MTMR7: variants seen among roughly 807,000 people sequenced by gnomAD.
The protein encoded by MTMR7 is myotubularin related protein 7.
MTMR7 carries 76 observed loss-of-function variants against 81.2 expected under a neutral mutation model. The observed-to-expected ratio is 0.94, with a 90% CI of 0.78 to 1.13. The LOEUF (loss-of-function observed/expected upper bound fraction) is 1.13, where lower values mean the gene tolerates loss of function less well. Among genes scored for constraint, MTMR7 ranks in the 50% most tolerant of loss-of-function variants. The probability of loss-of-function intolerance (pLI) is 0.00; values close to 1 mark genes in which losing one functional copy is unlikely to be tolerated. For synonymous variants in MTMR7, 372 were observed against 289.8 expected (o/e 1.28, Z -2.88); for missense variants, 1,044 against 820.0 (o/e 1.27, Z -3.34).
intron 7 of MTMR7, among the ~76,000 whole-genome samples, chr8:17,323,212 G>T (rs1211131195): frequency 6.6e-6 from 1 of 151,872 alleles, no homozygotes; most frequent in African/African-American, 2.4e-5. Flanking sequence ...CTCCCACAGT[G>T]CTGAGATTAC....
Position 17,298,223 on chromosome 8 carries a change from CAAGGTATTCCCTATTACATATAGT to C in MTMR7, c.*1615_*1638del, listed in dbSNP as rs1816862950. On this transcript the variant is annotated 3_prime_UTR_variant, in exon 14 of 14. Coordinates refer to ENST00000180173, the MANE Select transcript of MTMR7 (RefSeq NM_004686.5). ...CACTATATCCTAAGTTTTATTTTAGCAAGGTATTCCCTATTACATATAGTATATTGCAGAAAATGAATAAACATT... is the reference window on the plus strand; with the variant it reads ...CACTATATCCTAAGTTTTATTTTAGCATATTGCAGAAAATGAATAAACATT... 1 of 151,934 alleles carries C rather than the reference CAAGGTATTCCCTATTACATATAGT, an allele frequency of 6.6e-6. No individual in the cohort carries two copies. The highest frequency in any genetic ancestry group is 2.4e-5 in the African/African-American group (1 of 41,420). 9.4% of individuals were successfully genotyped at this position (151,934 alleles called of 1,614,324 possible). A position where few individuals can be genotyped will look rare whatever the true frequency, so the allele number is the denominator to read the frequency against.
chr8:17,361,510 GAACAC>G (rs386722975), intron 3 of MTMR7, among the ~76,000 whole-genome samples: 62 of 152,250 alleles, frequency 4.1e-4, no homozygotes, highest in African/African-American at 1.4e-3. Flanking sequence ...TTTCCTTTTA[GAACAC>G]AGGGACATCT....
intron 12 of MTMR7, chr8:17,302,499 T>C (rs980380335): frequency 4.2e-6 from 2 of 474,390 alleles, no homozygotes. Context: ...ATGAAAAGTC[T>C]GCCTGTATAT....
At chr8:17,330,160 C>T (rs1020641340) in intron 7 of MTMR7, among the ~76,000 whole-genome samples, 21 of 152,196 alleles carry the variant, frequency 1.4e-4, no homozygotes, top group African/African-American at 4.8e-4. Context: ...TTTCTCCAAC[C>T]CCAACGTTAG....
At chr8:17,358,610 TATG>T (rs1380563304) in intron 4 of MTMR7, among the ~76,000 whole-genome samples, 5 of 152,226 alleles carry the variant, frequency 3.3e-5, no homozygotes, top group Non-Finnish European at 7.3e-5. Flanking sequence ...TACTGTGTTT[TATG>T]ATGACATACG....
intron 1 of MTMR7, among the ~76,000 whole-genome samples, chr8:17,403,498 A>G (rs1396386534): frequency 6.6e-6 from 1 of 151,784 alleles, no homozygotes; most frequent in Non-Finnish European, 1.5e-5. Flanking sequence ...TATAATTTGA[A>G]GTCAGGTATG....
At chr8:17,359,593 A>AG (rs1169632328) in intron 4 of MTMR7, among the ~76,000 whole-genome samples, 1 of 151,436 alleles carries the variant, frequency 6.6e-6, no homozygotes, top group Non-Finnish European at 1.5e-5. Context: ...TTAAAAAAAA[A>AG]AAAAAACCTG....
intron 9 of MTMR7, 88 bp from the exon 10 acceptor site, chr8:17,309,414 C>T (rs1817666062): frequency 1.1e-6 from 1 of 917,748 alleles, no homozygotes; most frequent in Admixed American, 2.1e-5. Flanking sequence ...AATTCAGAGG[C>T]ACTTGCAGAA....
At chr8:17,391,086 C>G (rs1821093942) in intron 1 of MTMR7, among the ~76,000 whole-genome samples, 1 of 152,146 alleles carries the variant, frequency 6.6e-6, no homozygotes, top group East Asian at 1.9e-4. Context: ...CAACAAATGA[C>G]AAGACCCTGG....
chr8:17,343,779 G>C (rs1343270570), intron 5 of MTMR7, among the ~76,000 whole-genome samples: 2 of 152,154 alleles, frequency 1.3e-5, no homozygotes, highest in Non-Finnish European at 2.9e-5. Context: ...TGATCTAAAT[G>C]GAATTTTTCA....
chr8:17,348,855 AAC>A (rs956690998), intron 5 of MTMR7, 96 bp downstream of exon 5: 253 of 1,414,594 alleles, frequency 1.8e-4, no homozygotes, highest in African/African-American at 2.1e-4. Context: ...GAAGAATTCA[AAC>A]ACACACACAC....
intron 7 of MTMR7, among the ~76,000 whole-genome samples, chr8:17,319,749 G>A (rs930911886): frequency 1.3e-5 from 2 of 152,158 alleles, no homozygotes; most frequent in Admixed American, 1.3e-4. Context: ...TGGATACGTG[G>A]TGAGACGAGG....
Position 17,302,272 on chromosome 8 carries a change from C to G in MTMR7, c.1502G>C (p.Ser501Thr), listed in dbSNP as rs781066428. Residue 501 changes from serine to threonine, a missense_variant, in exon 13 of 14, where the codon AGT becomes ACT. By Grantham distance (58) the Ser-to-Thr change is moderately conservative. Transcript: ENST00000180173. ...TPCNFMYKFWSGMYNRFEKGM... is the reference protein window; with the variant it reads ...TPCNFMYKFWTGMYNRFEKGM... ...CTTTTCAAAGCGGTTATACATTCCA[C>G]TCCAAAACCTGGAAAGGATGGCAAA... 6.2e-6 allele frequency: 10 copies of G among 1,612,850 alleles called. No individual in the cohort carries two copies. The highest frequency in any genetic ancestry group is 8.5e-6 in the Non-Finnish European group (10 of 1,179,604).
rs889382511 is a variant in MTMR7, at chr8:17,298,990, C to T, written c.*872G>A. ...TCTGGTTCTTGAAACTGGATTTTCA[C>T]TCACAGATGTTTTATCTACTAACTT... is the stretch of plus-strand genomic sequence containing the variant. On this transcript the variant is annotated 3_prime_UTR_variant, in exon 14 of 14. Transcript: ENST00000180173. 1 of 152,180 alleles carries T rather than the reference C, an allele frequency of 6.6e-6. No individual in the cohort carries two copies. The highest frequency in any genetic ancestry group is 1.5e-5 in the Non-Finnish European group (1 of 68,020). The allele number at this position is 152,180 out of a possible 1,614,324, so 9.4% of individuals were successfully genotyped here. A position where few individuals can be genotyped will look rare whatever the true frequency, so the allele number is the denominator to read the frequency against.
At chr8:17,411,825 TC>T (rs958149082) in intron 1 of MTMR7, among the ~76,000 whole-genome samples, 22 of 152,324 alleles carry the variant, frequency 1.4e-4, no homozygotes, top group African/African-American at 5.3e-4. Context: ...ATTCATATTC[TC>T]TAACAAAGTG....
At chr8:17,386,017 A>G (rs1396343838) in intron 1 of MTMR7, among the ~76,000 whole-genome samples, 2 of 152,294 alleles carry the variant, frequency 1.3e-5, no homozygotes, top group African/African-American at 4.8e-5. Context: ...AGCCCTTTTA[A>G]TTTAATTAAT....
At chr8:17,396,119 C>T (rs1024771940) in intron 1 of MTMR7, among the ~76,000 whole-genome samples, 11 of 72,788 alleles carry the variant, frequency 1.5e-4, no homozygotes, top group African/African-American at 4.1e-4. Context: ...TACCAACATA[C>T]GGTTTATAAA....
chr8:17,374,275 G>A (rs1428756788), intron 1 of MTMR7, among the ~76,000 whole-genome samples: 1 of 152,262 alleles, frequency 6.6e-6, no homozygotes, highest in Non-Finnish European at 1.5e-5. Flanking sequence ...CACCTGAGGT[G>A]AGGAGTTCAA....
At chr8:17,367,573 T>C (rs1482972797) in intron 3 of MTMR7, among the ~76,000 whole-genome samples, 1 of 152,224 alleles carries the variant, frequency 6.6e-6, no homozygotes, top group Non-Finnish European at 1.5e-5. Context: ...TGAGATCTTC[T>C]ACAGTCTGTG....
Sources: allele counts gnomAD v4.1 joint callset (sites outside exome capture counted in the v4.1 genomes callset), GRCh38; gene constraint gnomAD v4.1.1; transcripts MANE v1.5; gene names NCBI Gene and HGNC (gene_info 2026-07-23, HGNC 2026-07-21).